The following EVC2 variants were observed in gnomAD, a reference collection of about 807,000 sequenced individuals.
EVC2 encodes limbin.
EVC2 carries 148 observed loss-of-function variants against 149.3 expected under a neutral mutation model. The observed-to-expected ratio is 0.99, with a 90% CI of 0.87 to 1.14. The LOEUF is 1.14. Among genes scored for constraint, EVC2 ranks in the 50% most tolerant of loss-of-function variants. EVC2 has a pLI of 0.00. For synonymous variants in EVC2, 776 were observed against 649.9 expected (o/e 1.19, Z -2.95); for missense variants, 1,854 against 1,627.3 (o/e 1.14, Z -2.40).
At chr4:5,596,967 G>A (rs1033858180) in intron 16 of EVC2, among the ~76,000 whole-genome samples, 1 of 152,166 alleles carries the variant, frequency 6.6e-6, no homozygotes, top group South Asian at 2.1e-4. Flanking sequence ...AAATCTAGAA[G>A]AAATGGATAA....
In EVC2 at chr4:5,657,954, C is replaced by T. The variant is rs909524625; in HGVS notation, c.1145+5153G>A. ...CATCCCTTCCCACCTCTTGTGCTTGCTGCCCACTCCAAAACGCTCATCGCC... is the reference window on the plus strand; with the variant it reads ...CATCCCTTCCCACCTCTTGTGCTTGTTGCCCACTCCAAAACGCTCATCGCC... On this transcript the variant is annotated intron_variant, in intron 9 of 21. Transcript: ENST00000344408. The surrounding 1 kb of genome is among the most constrained non-coding windows in gnomAD (Gnocchi z 4.7). Among the ~76,000 whole-genome samples, 6 of 152,096 alleles carry T rather than the reference C, an allele frequency of 3.9e-5. No individual in the cohort carries two copies. Among genetic ancestry groups the T allele is most frequent in the South Asian group, 4.2e-4 (2 of 4,818 alleles).
intron 17 of EVC2, among the ~76,000 whole-genome samples, chr4:5,578,537 T>A (rs931217791): frequency 5.3e-5 from 8 of 152,140 alleles, no homozygotes; most frequent in African/African-American, 1.9e-4. Context: ...TGATTTCAGG[T>A]GTCTCTGACT....
intron 3 of EVC2, among the ~76,000 whole-genome samples, chr4:5,691,935 C>T (rs1001529180): frequency 6.6e-6 from 1 of 152,220 alleles, no homozygotes; most frequent in Admixed American, 6.5e-5. Context: ...TGACTAATAA[C>T]AAATATCTGT....
Position 5,681,261 on chromosome 4 carries a change from G to T in EVC2, c.869C>A (p.Thr290Lys). 1 of 1,614,210 alleles carries T rather than the reference G, an allele frequency of 6.2e-7. No homozygotes were observed. The highest frequency in any genetic ancestry group is 1.1e-5 in the South Asian group (1 of 91,086). ...LFSITAEENV[T>K]VLPHHGLHAA... is the part of the protein sequence containing the mutation. ...CTCAGGGCATGTCATGTCTCTTACC[G>T]TTACGTTTTCTTCTGCTGTTATGGA... Residue 290 changes from threonine (T) to lysine (K), a missense_variant and splice_region_variant, in exon 7 of 22, where the codon ACG becomes AAG. Coordinates refer to ENST00000344408, the MANE Select transcript of EVC2 (RefSeq NM_147127.5).
chr4:5,543,367 C>A (rs1721553901), intron 21 of EVC2, among the ~76,000 whole-genome samples: 1 of 152,208 alleles, frequency 6.6e-6, no homozygotes, highest in East Asian at 1.9e-4. Flanking sequence ...TTCTCAGCCA[C>A]TGACTTCCAA....
chr4:5,689,628 A>G (rs1161244763), intron 4 of EVC2, among the ~76,000 whole-genome samples: 1 of 152,234 alleles, frequency 6.6e-6, no homozygotes, highest in African/African-American at 2.4e-5. Context: ...AAAATCTCCA[A>G]GTGCAGAACC....
intron 16 of EVC2, among the ~76,000 whole-genome samples, chr4:5,596,381 G>A (rs561208799): frequency 2.7e-4 from 41 of 152,160 alleles, no homozygotes; most frequent in African/African-American, 7.2e-4. Context: ...CTGAGACCAC[G>A]GTGCAATCAA....
rs1560194791 is a variant in EVC2, at chr4:5,649,296, CT to C, written c.1146-8459del. 4.6e-5 allele frequency among the ~76,000 whole-genome samples: 7 copies of C among 152,316 alleles called. No homozygotes were observed. In the South Asian group the frequency reaches 1.2e-3, roughly 27 times the overall value. On this transcript the variant is annotated intron_variant, in intron 9 of 21. Transcript: ENST00000344408. The stretch of plus-strand genomic sequence containing the variant: ...TGGCCAGTTTTGCTACATATGCAAA[CT>C]GTACAAGTGATATTCCTCTTGGAAG...
rs116526512 is a variant in EVC2 at position 5,679,140 on chromosome 4, C to T, written c.870+2120G>A. Among the ~76,000 whole-genome samples the T allele has an allele frequency of 0.033, 5,030 of 152,020 alleles. 275 individuals are homozygous for T. Among genetic ancestry groups the T allele is most frequent in the African/African-American group, 0.11 (4,749 of 41,444 alleles). On this transcript the variant is annotated intron_variant, in intron 7 of 21. Transcript: ENST00000344408. The surrounding 1 kb of genome is among the most constrained non-coding windows in gnomAD (Gnocchi z 5.1). ...TTGCAGGTCTGGAAGTTGCTCTGGG[C>T]CAGTCAGTGAGTGAGTGGTGAGTGA...
downstream of EVC2, among the ~76,000 whole-genome samples, chr4:5,558,952 C>G (rs1486880289): frequency 6.6e-6 from 1 of 152,028 alleles, no homozygotes; most frequent in Non-Finnish European, 1.5e-5. Context: ...AAGCACTTTG[C>G]AAGACCAAGG....
At chr4:5,661,868 T>C (rs1022766448) in intron 9 of EVC2, among the ~76,000 whole-genome samples, 7 of 152,220 alleles carry the variant, frequency 4.6e-5, no homozygotes, top group Non-Finnish European at 8.8e-5. Flanking sequence ...CCAGTTCTCA[T>C]CCATAAGATG....
chr4:5,555,840 T>C (rs1721828562), intron 21 of EVC2, among the ~76,000 whole-genome samples: 1 of 152,054 alleles, frequency 6.6e-6, no homozygotes, highest in Non-Finnish European at 1.5e-5. Flanking sequence ...GAATATAAAA[T>C]CATCTCAACT....
Position 5,631,821 on chromosome 4 carries a change from A to T in EVC2, c.1682T>A (p.Met561Lys), listed in dbSNP as rs1407087956. 1 of 1,614,000 alleles carries T rather than the reference A, an allele frequency of 6.2e-7. No individual in the cohort carries two copies. The highest frequency in any genetic ancestry group is 8.5e-7 in the Non-Finnish European group (1 of 1,179,940). The part of the protein sequence containing the change: ...KGELKPEAAK[M>K]LLQNYSKIQE... ...TATTTTAGAATAATTTTGCAGCAGC[A>T]TTTTAGCTGCCTCTGGTTTCAATTC... The change falls in exon 11 of 22, where the codon ATG becomes AAG. Residue 561 changes from methionine to lysine, a missense_variant. By Grantham distance (95) the Met-to-Lys change is moderately conservative. Transcript: ENST00000344408.
chr4:5,659,096 C>T (rs545702479), intron 9 of EVC2, among the ~76,000 whole-genome samples: 18 of 152,240 alleles, frequency 1.2e-4, no homozygotes, highest in South Asian at 2.1e-4. Context: ...ACGCACACCT[C>T]GGAAATGCTC....
At chr4:5,556,363 A>G (rs924973415) in intron 21 of EVC2, among the ~76,000 whole-genome samples, 1 of 152,082 alleles carries the variant, frequency 6.6e-6, no homozygotes, top group Non-Finnish European at 1.5e-5. Context: ...TGAAGTCTCA[A>G]GAGAATGGTA....
chr4:5,572,110 C>CT (rs1449132276), intron 19 of EVC2, among the ~76,000 whole-genome samples: 1 of 152,152 alleles, frequency 6.6e-6, no homozygotes, highest in Non-Finnish European at 1.5e-5. Context: ...CTGGAGGACT[C>CT]TTATTAATAC....
chr4:5,565,248 C>CACA lies in EVC2; in HGVS notation c.3659+9_3659+10insTGT. On this transcript the variant is annotated intron_variant, in intron 21 of 21. Transcript: ENST00000344408. ...CCTCCCCAGCCACATGAGCAGGTGC[C>CACA]CATCATTACCTCTGCTTTCTCTTGC... The CACA allele has an allele frequency of 1.2e-6, 2 of 1,612,730 alleles. No homozygotes were observed. Among genetic ancestry groups the CACA allele is most frequent in the Non-Finnish European group, 1.7e-6 (2 of 1,178,928 alleles).
chr4:5,616,851 C>T (rs1254802278), intron 15 of EVC2, among the ~76,000 whole-genome samples: 1 of 152,190 alleles, frequency 6.6e-6, no homozygotes, highest in East Asian at 1.9e-4. Flanking sequence ...TGGCCACAGC[C>T]ATTTCCATCT....
Position 5,696,488 on chromosome 4 carries a change from C to A in EVC2, c.283+1105G>T, listed in dbSNP as rs1311468727. 5.9e-5 allele frequency among the ~76,000 whole-genome samples: 9 copies of A among 152,176 alleles called. No homozygotes were observed. In the South Asian group the frequency reaches 1.5e-3, roughly 25 times the overall value. ...ATAGGTTCAGGGACAGGCCGGGGAC[C>A]CACGCTGAGCCCAGGGGCCTGCACT... On this transcript the variant is annotated intron_variant, in intron 2 of 21. Transcript: ENST00000344408. The surrounding 1 kb of genome is among the most constrained non-coding windows in gnomAD (Gnocchi z 4.1).
Sources: allele counts gnomAD v4.1 joint callset (sites outside exome capture counted in the v4.1 genomes callset), GRCh38; gene constraint gnomAD v4.1.1; non-coding constraint Gnocchi (gnomAD v3.1); transcripts MANE v1.5; gene names NCBI Gene and HGNC (gene_info 2026-07-23, HGNC 2026-07-21).